ATF7IP2: variants seen among roughly 807,000 people sequenced by gnomAD.
ATF7IP2 encodes activating transcription factor 7-interacting protein 2.
A neutral mutation model predicts 64.2 loss-of-function variants in ATF7IP2; 42 were observed. The observed-to-expected ratio is 0.65, with a 90% CI of 0.51 to 0.85. The LOEUF (loss-of-function observed/expected upper bound fraction) is 0.85, where lower values mean the gene tolerates loss of function less well. Among genes scored for constraint, ATF7IP2 ranks in the 40% least tolerant of loss-of-function variants. The pLI, the probability that ATF7IP2 is intolerant of heterozygous loss-of-function variation, is 0.00. For synonymous variants in ATF7IP2, 308 were observed against 272.8 expected (o/e 1.13, Z -1.27); for missense variants, 933 against 784.2 (o/e 1.19, Z -2.27).
chr16:10,472,851 G>A (rs1273003984), intron 10 of ATF7IP2, among the ~76,000 whole-genome samples: 7 of 118,226 alleles, frequency 5.9e-5, no homozygotes, highest in East Asian at 5.0e-4. Flanking sequence ...GCAAGACTCC[G>A]TCTCAAAAAA....
At position 10,430,885 on chromosome 16, in the gene ATF7IP2, A is replaced by T; in HGVS notation, c.265A>T (p.Lys89Ter). 6.2e-7 allele frequency: 1 copy of T among 1,613,512 alleles called. No homozygotes were observed. The highest frequency in any genetic ancestry group is 8.5e-7 in the Non-Finnish European group (1 of 1,179,536). ...TAAAAATTCAATATCAGAGAAAAGT[A>T]AAGTATTCTCTCAGAATTGCATAAA... is the stretch of plus-strand genomic sequence containing the variant. ...SNKNSISEKSKVFSQNCIKPV... is the reference protein window; with the variant it reads ...SNKNSISEKS The change falls in exon 5 of 14, where the codon AAA (lysine) becomes TAA (stop). Residue 89 changes from lysine to a stop codon, truncating the protein, a stop_gained. Transcript: ENST00000562102. LOFTEE classifies it high-confidence loss of function.
chr16:10,416,697 A>T (rs10852308), intron 2 of ATF7IP2, among the ~76,000 whole-genome samples: 119,233 of 152,094 alleles, frequency 0.78, 47,421 homozygotes, highest in African/African-American at 0.92. Flanking sequence ...CTCAGGAGGC[A>T]GAGGCAGCAG....
chr16:10,390,270 A>T (rs1269301202), intron 1 of ATF7IP2, among the ~76,000 whole-genome samples: 1 of 152,204 alleles, frequency 6.6e-6, no homozygotes, highest in Non-Finnish European at 1.5e-5. Flanking sequence ...CTATAACAGG[A>T]AAAAAGATTA....
chr16:10,458,476 C>T (rs2049257681), intron 9 of ATF7IP2, among the ~76,000 whole-genome samples: 1 of 152,160 alleles, frequency 6.6e-6, no homozygotes, highest in South Asian at 2.1e-4. Context: ...TTTATATGAA[C>T]AAATCTATCT....
chr16:10,470,006 A>G (rs1269037157), intron 9 of ATF7IP2, among the ~76,000 whole-genome samples: 1 of 152,136 alleles, frequency 6.6e-6, no homozygotes, highest in Non-Finnish European at 1.5e-5. Flanking sequence ...ACATCAACAG[A>G]CCTACATTAC....
chr16:10,464,943 G>A (rs191319094), intron 9 of ATF7IP2, among the ~76,000 whole-genome samples: 18 of 152,206 alleles, frequency 1.2e-4, no homozygotes, highest in East Asian at 3.9e-4. Context: ...TGATTCTTCC[G>A]CCTCAGCCTC....
chr16:10,429,641 A>G (rs2048175521), intron 4 of ATF7IP2, among the ~76,000 whole-genome samples: 1 of 151,770 alleles, frequency 6.6e-6, no homozygotes, highest in Admixed American at 6.6e-5. Context: ...GAGCCACCCT[A>G]CCAGGTTAGT....
At chr16:10,470,169 CT>C (rs2049738844) in intron 9 of ATF7IP2, among the ~76,000 whole-genome samples, 1 of 152,022 alleles carries the variant, frequency 6.6e-6, no homozygotes, top group Admixed American at 6.5e-5. Flanking sequence ...ACACAACACA[CT>C]CTATATAGAA....
chr16:10,473,098 C>A (rs1175401955), intron 10 of ATF7IP2, among the ~76,000 whole-genome samples: 4 of 152,112 alleles, frequency 2.6e-5, no homozygotes, highest in Non-Finnish European at 5.9e-5. Flanking sequence ...GGATGTTAAT[C>A]ATTTATCTTA....
chr16:10,452,677 C>T (rs1443035082), intron 8 of ATF7IP2, among the ~76,000 whole-genome samples: 4 of 152,148 alleles, frequency 2.6e-5, no homozygotes, highest in South Asian at 2.1e-4. Context: ...GAGTCCTGTC[C>T]GGCAGGGACA....
At chr16:10,449,338 G>C (rs944477243) in intron 8 of ATF7IP2, 1 of 152,144 alleles carries the variant, frequency 6.6e-6, no homozygotes, top group African/African-American at 2.4e-5. Context: ...GAATTAGGGA[G>C]GATTCCCTCT....
At chr16:10,388,907 G>A (rs2047264065) in intron 1 of ATF7IP2, among the ~76,000 whole-genome samples, 1 of 152,022 alleles carries the variant, frequency 6.6e-6, no homozygotes, top group Non-Finnish European at 1.5e-5. Context: ...AGCTTCTCGG[G>A]AAGCTGAGGC....
At chr16:10,400,879 G>A (rs372178492) in intron 1 of ATF7IP2, among the ~76,000 whole-genome samples, 3 of 151,804 alleles carry the variant, frequency 2.0e-5, no homozygotes, top group South Asian at 2.1e-4. Flanking sequence ...ACAGGGTTTC[G>A]CCATGTTGTG....
intron 3 of ATF7IP2, among the ~76,000 whole-genome samples, chr16:10,426,165 T>A (rs557765731): frequency 6.6e-6 from 1 of 152,362 alleles, no homozygotes; most frequent in East Asian, 1.9e-4. Flanking sequence ...AAATGTAATT[T>A]CATCTTTTGC....
At chr16:10,439,041 C>G (rs1244424823) in intron 7 of ATF7IP2, among the ~76,000 whole-genome samples, 2 of 104,420 alleles carry the variant, frequency 1.9e-5, no homozygotes, top group African/African-American at 8.0e-5. Flanking sequence ...GACAGCGAGA[C>G]TCCATCTCAA....
chr16:10,394,831 G>A (rs2047392900), intron 1 of ATF7IP2, among the ~76,000 whole-genome samples: 1 of 152,044 alleles, frequency 6.6e-6, no homozygotes, highest in Admixed American at 6.6e-5. Context: ...CATATCAAAG[G>A]TTTTGGAGGG....
chr16:10,406,185 A>G (rs1469950075), intron 1 of ATF7IP2, among the ~76,000 whole-genome samples: 1 of 152,056 alleles, frequency 6.6e-6, no homozygotes, highest in Non-Finnish European at 1.5e-5. Context: ...GGCTCACCAC[A>G]GCCTCGACCT....
intron 12 of ATF7IP2, among the ~76,000 whole-genome samples, chr16:10,480,348 G>C (rs976371982): frequency 2.0e-5 from 3 of 151,346 alleles, no homozygotes; most frequent in African/African-American, 7.3e-5. Context: ...CACATTTTTC[G>C]TGTTCCCTTC....
At chr16:10,444,287 A>G (rs1015138940) in intron 8 of ATF7IP2, among the ~76,000 whole-genome samples, 1 of 152,142 alleles carries the variant, frequency 6.6e-6, no homozygotes, top group Non-Finnish European at 1.5e-5. Context: ...GTGACAACCT[A>G]TGCCTCCAAA....
Sources: allele counts gnomAD v4.1 joint callset (sites outside exome capture counted in the v4.1 genomes callset), GRCh38; gene constraint gnomAD v4.1.1; transcripts MANE v1.5; gene names NCBI Gene and HGNC (gene_info 2026-07-23, HGNC 2026-07-21).